Variants in PRKAG2 observed in about 807,000 individuals in gnomAD.
PRKAG2 encodes 5'-AMP-activated protein kinase subunit gamma-2.
In PRKAG2, 26 loss-of-function variants were observed where a neutral mutation model predicts 69.6. The observed-to-expected ratio is 0.37, with a 90% CI of 0.27 to 0.52. The LOEUF is 0.52. Among genes scored for constraint, PRKAG2 ranks in the 20% least tolerant of loss-of-function variants. The pLI is 0.90. For synonymous variants in PRKAG2, 293 were observed against 285.0 expected (o/e 1.03, Z -0.28); for missense variants, 557 against 740.0 (o/e 0.75, Z 2.87).
At chr7:151,682,933 TG>T (rs1364788573) in intron 3 of PRKAG2, among the ~76,000 whole-genome samples, 2 of 152,190 alleles carry the variant, frequency 1.3e-5, no homozygotes, top group Admixed American at 6.5e-5. Flanking sequence ...CAGGCAGAAC[TG>T]GGCCATGGCC....
intron 1 of PRKAG2, among the ~76,000 whole-genome samples, chr7:151,815,107 G>GT (rs954071897): frequency 1.3e-5 from 2 of 152,140 alleles, no homozygotes; most frequent in East Asian, 3.9e-4. Flanking sequence ...GATTGTGGGG[G>GT]TTTTTTTCCC....
intron 1 of PRKAG2, among the ~76,000 whole-genome samples, chr7:151,844,588 C>A (rs1337957433): frequency 6.6e-6 from 1 of 152,156 alleles, no homozygotes; most frequent in African/African-American, 2.4e-5. Flanking sequence ...AAACGTAGAA[C>A]AGACAATAAC....
chr7:151,726,753 T>C (rs1373436953), intron 3 of PRKAG2, among the ~76,000 whole-genome samples: 1 of 152,080 alleles, frequency 6.6e-6, no homozygotes, highest in Non-Finnish European at 1.5e-5. Context: ...TGAGGGGAAG[T>C]AGCTGGGAGA....
chr7:151,640,763 C>T (rs1467258836), intron 4 of PRKAG2, among the ~76,000 whole-genome samples: 1 of 152,116 alleles, frequency 6.6e-6, no homozygotes, highest in Non-Finnish European at 1.5e-5. Flanking sequence ...GCATTTAACA[C>T]ACTGGCTTGG....
intron 4 of PRKAG2, among the ~76,000 whole-genome samples, chr7:151,643,111 A>AT (rs911035941): frequency 4.6e-5 from 7 of 152,022 alleles, no homozygotes; most frequent in Admixed American, 1.3e-4. Context: ...AAATAAATCC[A>AT]TTTTTTTGCC....
At chr7:151,604,966 T>C (rs2058497) in intron 5 of PRKAG2, among the ~76,000 whole-genome samples, 43 of 152,136 alleles carry the variant, frequency 2.8e-4, no homozygotes, top group Non-Finnish European at 5.4e-4. Context: ...TCTACGACAT[T>C]TTTTAAAAAT....
chr7:151,819,114 CAG>C (rs1472055318), intron 1 of PRKAG2, among the ~76,000 whole-genome samples: 2 of 152,192 alleles, frequency 1.3e-5, no homozygotes, highest in African/African-American at 2.4e-5. Context: ...GATAAAGAGA[CAG>C]AGAATCTGGC....
chr7:151,621,698 A>G (rs2151276134), intron 5 of PRKAG2, among the ~76,000 whole-genome samples: 1 of 152,162 alleles, frequency 6.6e-6, no homozygotes, highest in South Asian at 2.1e-4. Flanking sequence ...TCAGCCTCCC[A>G]AGTAGTTGGG....
chr7:151,827,761 A>AACAAC (rs1025127556), intron 1 of PRKAG2, among the ~76,000 whole-genome samples: 1 of 149,594 alleles, frequency 6.7e-6, no homozygotes, highest in Non-Finnish European at 1.5e-5. Flanking sequence ...AAAAAAAAAA[A>AACAAC]AAAAAAAAAA....
At chr7:151,584,410 A>C (rs895964558) in intron 6 of PRKAG2, among the ~76,000 whole-genome samples, 1 of 152,188 alleles carries the variant, frequency 6.6e-6, no homozygotes, top group Non-Finnish European at 1.5e-5. Context: ...CAGCCATCTG[A>C]CAGGGCCTTG....
At chr7:151,631,907 C>T (rs979313824) in intron 5 of PRKAG2, 162 bp downstream of exon 5, 3 of 694,926 alleles carry the variant, frequency 4.3e-6, no homozygotes, top group Admixed American at 4.3e-5. Context: ...TCGCCGGCGC[C>T]CGCATCCCCG....
intron 1 of PRKAG2, among the ~76,000 whole-genome samples, chr7:151,854,732 G>A (rs1019445914): frequency 3.3e-5 from 5 of 152,192 alleles, no homozygotes; most frequent in Admixed American, 6.5e-5. Flanking sequence ...GAATCAGGGT[G>A]CCTGGTCCTT....
intron 6 of PRKAG2, among the ~76,000 whole-genome samples, chr7:151,588,402 C>T (rs1002780070): frequency 5.3e-5 from 8 of 151,894 alleles, no homozygotes; most frequent in African/African-American, 1.9e-4. Flanking sequence ...TGCTCTGTCG[C>T]CCAGGCTGGT....
At chr7:151,595,288 T>G in intron 6 of PRKAG2, 57 bp downstream of exon 6, 1 of 1,247,724 alleles carries the variant, frequency 8.0e-7, no homozygotes. Context: ...AATTACTGTA[T>G]AAAGTAGTAG....
At chr7:151,679,278 G>C (rs994590715) in intron 3 of PRKAG2, among the ~76,000 whole-genome samples, 1 of 152,174 alleles carries the variant, frequency 6.6e-6, no homozygotes, top group Non-Finnish European at 1.5e-5. Context: ...AAAGAAGCCT[G>C]TGTGCTATTT....
chr7:151,853,998 T>C (rs1229259700), intron 1 of PRKAG2, among the ~76,000 whole-genome samples: 1 of 151,396 alleles, frequency 6.6e-6, no homozygotes, highest in Non-Finnish European at 1.5e-5. Flanking sequence ...AGGATAACCT[T>C]GGTGTTGAGG....
intron 5 of PRKAG2, among the ~76,000 whole-genome samples, chr7:151,601,866 A>G (rs1209788598): frequency 6.6e-6 from 1 of 152,248 alleles, no homozygotes; most frequent in African/African-American, 2.4e-5. Flanking sequence ...GGGGACAGTG[A>G]CTGTCATCAC....
chr7:151,791,783 A>C (rs903886556), intron 1 of PRKAG2, among the ~76,000 whole-genome samples: 6 of 152,270 alleles, frequency 3.9e-5, no homozygotes, highest in African/African-American at 1.4e-4. Context: ...GGCAAAAGCC[A>C]AAAGTCTATC....
chr7:151,660,394 A>G (rs1038821099), intron 4 of PRKAG2, among the ~76,000 whole-genome samples: 5 of 152,200 alleles, frequency 3.3e-5, no homozygotes, highest in African/African-American at 1.2e-4. Flanking sequence ...TCTTAAAAGA[A>G]TCTGATTCAT....
Sources: allele counts gnomAD v4.1 joint callset (sites outside exome capture counted in the v4.1 genomes callset), GRCh38; gene constraint gnomAD v4.1.1; transcripts MANE v1.5; gene names NCBI Gene and HGNC (gene_info 2026-07-23, HGNC 2026-07-21).